The following STPG4 variants were observed in gnomAD, a reference collection of about 807,000 sequenced individuals.
The protein encoded by STPG4 is protein STPG4.
STPG4 carries 41 observed loss-of-function variants against 31.5 expected under a neutral mutation model. The ratio of observed to expected loss-of-function variants is 1.30; its 90% CI spans 1.01 to 1.69. The LOEUF is 1.69. Ranked by LOEUF, STPG4 falls within the 40% of genes most tolerant of loss-of-function variation. The probability of loss-of-function intolerance (pLI) is 0.00; values close to 1 mark genes in which losing one functional copy is unlikely to be tolerated. For missense variants in STPG4, 375 were observed against 293.4 expected, an observed-to-expected ratio of 1.28 and a Z score of -2.03; for synonymous variants, 141 against 103.0, an observed-to-expected ratio of 1.37 and a Z score of -2.24.
At chr2:47,102,896 C>G (rs1338454998) in intron 5 of STPG4, among the ~76,000 whole-genome samples, 1 of 151,782 alleles carries the variant, frequency 6.6e-6, no homozygotes, top group Non-Finnish European at 1.5e-5. Context: ...ATGTACCTAT[C>G]AGGTCCTACA....
chr2:47,089,211 C>T (rs886143612), intron 6 of STPG4, among the ~76,000 whole-genome samples: 1 of 152,232 alleles, frequency 6.6e-6, no homozygotes, highest in Non-Finnish European at 1.5e-5. Context: ...TGGGCTCCGA[C>T]AAACATGTTT....
At chr2:47,117,755 A>T (rs1285649464) in intron 5 of STPG4, among the ~76,000 whole-genome samples, 2 of 152,224 alleles carry the variant, frequency 1.3e-5, no homozygotes, top group Non-Finnish European at 2.9e-5. Flanking sequence ...CCTACTTGGC[A>T]TAGGGTGTCA....
chr2:47,137,340 C>T (rs72808599), intron 3 of STPG4, among the ~76,000 whole-genome samples: 13,669 of 152,030 alleles, frequency 0.09, 830 homozygotes, highest in Non-Finnish European at 0.12. Flanking sequence ...CACTTGGTTG[C>T]GATGTATAAT....
chr2:47,153,522 T>C (rs1035879908), intron 1 of STPG4, among the ~76,000 whole-genome samples: 1 of 152,220 alleles, frequency 6.6e-6, no homozygotes, highest in Non-Finnish European at 1.5e-5. Flanking sequence ...GGAGGCCAAG[T>C]TGGGTGGATC....
At chr2:47,088,684 G>C (rs1453680671) in intron 6 of STPG4, among the ~76,000 whole-genome samples, 1 of 152,166 alleles carries the variant, frequency 6.6e-6, no homozygotes, top group African/African-American at 2.4e-5. Flanking sequence ...TATCTCTTCA[G>C]GAAACAGCAA....
chr2:47,101,003 T>C (rs1685787660), intron 5 of STPG4, among the ~76,000 whole-genome samples: 2 of 151,786 alleles, frequency 1.3e-5, no homozygotes, highest in Non-Finnish European at 2.9e-5. Flanking sequence ...GATGGGACAT[T>C]TGCCTATCAC....
chr2:47,141,334 A>G (rs1276109840), intron 3 of STPG4, among the ~76,000 whole-genome samples: 1 of 152,038 alleles, frequency 6.6e-6, no homozygotes, highest in Non-Finnish European at 1.5e-5. Context: ...TCAAAAAAAA[A>G]AAAAAAAGAA....
In STPG4 at chr2:47,090,299, T is replaced by C. The variant is rs753210831; in HGVS notation, c.595A>G (p.Arg199Gly). 5 of 1,551,776 alleles carry C rather than the reference T, an allele frequency of 3.2e-6. No homozygotes were observed. The highest frequency in any genetic ancestry group is 2.7e-5 in the African/African-American group (2 of 73,178). The change falls in exon 6 of 7, where the codon AGA (arginine) becomes GGA (glycine). Residue 199 changes from arginine (R) to glycine (G), a missense_variant. Coordinates refer to ENST00000445927, the MANE Select transcript of STPG4 (RefSeq NM_001163561.2). Reference sequence around the variant, plus strand: ...CAGCTGGGCAAGAATCGAGGGACTCTGGATTGAAAACAAGAAGTGACAGAG... The same window carrying C: ...CAGCTGGGCAAGAATCGAGGGACTCCGGATTGAAAACAAGAAGTGACAGAG... ...TSSVTSCFQS[R>G]VPRFLPSCSK...
intron 5 of STPG4, among the ~76,000 whole-genome samples, chr2:47,096,764 C>A (rs1033165336): frequency 6.6e-6 from 1 of 152,168 alleles, no homozygotes; most frequent in Admixed American, 6.5e-5. Flanking sequence ...GACATTTCGT[C>A]TAGGATCATT....
intron 5 of STPG4, among the ~76,000 whole-genome samples, chr2:47,106,740 C>G (rs978078005): frequency 1.3e-5 from 2 of 151,976 alleles, no homozygotes; most frequent in African/African-American, 2.4e-5. Flanking sequence ...CTTATGCCAA[C>G]CTCCGGAGTT....
chr2:47,099,854 C>A (rs1169117458), intron 5 of STPG4, among the ~76,000 whole-genome samples: 1 of 152,212 alleles, frequency 6.6e-6, no homozygotes, highest in Non-Finnish European at 1.5e-5. Flanking sequence ...TGGCCCCGGG[C>A]AATGAGGGGC....
At chr2:47,107,311 G>A (rs6706293) in intron 5 of STPG4, among the ~76,000 whole-genome samples, 32,260 of 152,036 alleles carry the variant, frequency 0.21, 3,678 homozygotes, top group Admixed American at 0.29. Flanking sequence ...GGGGCTGCGC[G>A]TGGTGCTTGC....
At chr2:47,087,494 C>A (rs966294499) in intron 6 of STPG4, among the ~76,000 whole-genome samples, 1 of 152,188 alleles carries the variant, frequency 6.6e-6, no homozygotes, top group African/African-American at 2.4e-5. Flanking sequence ...ATCATCTTTC[C>A]CCCGGTGACC....
intron 3 of STPG4, among the ~76,000 whole-genome samples, chr2:47,150,448 G>C (rs1201534161): frequency 6.6e-6 from 1 of 151,946 alleles, no homozygotes; most frequent in Non-Finnish European, 1.5e-5. Context: ...CAAATGAACT[G>C]GTGGAGCTGA....
At chr2:47,097,298 A>T (rs1228968009) in intron 5 of STPG4, among the ~76,000 whole-genome samples, 1 of 152,128 alleles carries the variant, frequency 6.6e-6, no homozygotes, top group African/African-American at 2.4e-5. Flanking sequence ...AACTTACTTT[A>T]AAAAAATCAT....
intron 5 of STPG4, among the ~76,000 whole-genome samples, chr2:47,092,800 T>G (rs1685597937): frequency 2.0e-4 from 1 of 4,910 alleles, no homozygotes; most frequent in East Asian, 2.8e-3. Context: ...CACGGTTCTG[T>G]TTTTTTTTTT....
At chr2:47,099,439 T>C (rs1276282896) in intron 5 of STPG4, among the ~76,000 whole-genome samples, 1 of 152,120 alleles carries the variant, frequency 6.6e-6, no homozygotes, top group Non-Finnish European at 1.5e-5. Context: ...TTCTCTTACA[T>C]CTCCCAGATG....
chr2:47,155,238 G>C lies in STPG4; in HGVS notation c.14C>G (p.Ala5Gly). 6.2e-7 allele frequency: 1 copy of C among 1,614,150 alleles called. No homozygotes were observed. Among genetic ancestry groups the C allele is most frequent in the Non-Finnish European group, 8.5e-7 (1 of 1,180,004 alleles). Residue 5 changes from alanine to glycine, a missense_variant, in exon 1 of 7, where the codon GCC becomes GGC. Coordinates refer to ENST00000445927, the MANE Select transcript of STPG4 (RefSeq NM_001163561.2). ...TATTGAGGTGGAAGCGGTGGCGACG[G>C]CTGGCTGGTCCATGGTGGCCTCCTC... MDQP[A>G]VATASTSIRE...
chr2:47,132,096 CG>C (rs759949201), intron 3 of STPG4, among the ~76,000 whole-genome samples: 6 of 149,176 alleles, frequency 4.0e-5, no homozygotes, highest in Non-Finnish European at 8.9e-5. Context: ...ACCTGGGAGG[CG>C]GGGGTTGCAG....
Sources: gnomAD v4.1 joint callset for allele counts (sites outside exome capture counted in the v4.1 genomes callset) on GRCh38, gnomAD v4.1.1 for gene constraint, MANE v1.5 for transcripts, NCBI Gene and HGNC (gene_info 2026-07-23, HGNC 2026-07-21) for gene names.